SLC13A1: variants seen among roughly 807,000 people sequenced by gnomAD.
The protein encoded by SLC13A1 is Na(+)/sulfate cotransporter.
Under a neutral mutation model 70.0 loss-of-function variants are expected in SLC13A1, and 65 were observed. That is an observed-to-expected ratio of 0.93 (90% CI 0.76 to 1.14). The LOEUF (loss-of-function observed/expected upper bound fraction) is 1.14. Ranked by LOEUF, SLC13A1 falls within the 50% of genes most tolerant of loss-of-function variation. The pLI, the probability that SLC13A1 is intolerant of heterozygous loss-of-function variation, is 0.00. For synonymous variants in SLC13A1, 275 were observed against 250.5 expected (o/e 1.10, Z -0.92); for missense variants, 726 against 717.8 (o/e 1.01, Z -0.13).
chr7:123,176,664 A>G (rs900862614), intron 2 of SLC13A1, among the ~76,000 whole-genome samples: 4 of 152,200 alleles, frequency 2.6e-5, no homozygotes, highest in Non-Finnish European at 5.9e-5. Flanking sequence ...GTTTAGCTAA[A>G]TCCAATAGCC....
intron 1 of SLC13A1, 81 bp downstream of exon 1, chr7:123,199,767 C>T: frequency 2.0e-6 from 2 of 997,770 alleles, no homozygotes; most frequent in Non-Finnish European, 3.1e-6. Flanking sequence ...CTGAGCCAGG[C>T]AGTTAAACAG....
Position 123,179,621 on chromosome 7 carries a change from A to G in SLC13A1, c.228+1352T>C, listed in dbSNP as rs181297837. On this transcript the variant is annotated intron_variant, in intron 2 of 14. Transcript: ENST00000194130. ...GACGTATATATCCTTGGCAGCTCCTACAAAGCCAGCCCTTCCCAGGCACCC... is the reference window on the plus strand; with the variant it reads ...GACGTATATATCCTTGGCAGCTCCTGCAAAGCCAGCCCTTCCCAGGCACCC... Among the ~76,000 whole-genome samples, 12 of 152,212 alleles carry G rather than the reference A, an allele frequency of 7.9e-5. No homozygotes were observed. In the East Asian group the frequency reaches 2.1e-3, roughly 27 times the overall value.
intron 7 of SLC13A1, among the ~76,000 whole-genome samples, chr7:123,146,580 C>T (rs957226759): frequency 1.3e-5 from 2 of 152,088 alleles, no homozygotes; most frequent in African/African-American, 4.8e-5. Context: ...GATTTTTTAA[C>T]CCAAGTGTTC....
rs745767536 is a variant in SLC13A1, at chr7:123,128,922, G to T, written c.1056C>A (p.Val352=). The T allele has an allele frequency of 1.2e-6, 2 of 1,613,198 alleles. No individual in the cohort carries two copies. Among genetic ancestry groups the T allele is most frequent in the Non-Finnish European group, 1.7e-6 (2 of 1,179,448 alleles). Residue 352 remains valine (V), a synonymous_variant, in exon 10 of 15, where the codon GTC becomes GTA. Coordinates refer to ENST00000194130, the MANE Select transcript of SLC13A1 (RefSeq NM_022444.4). ...PIRYQEIVTL[V]LFIIMALLWF... ...ATAGCAGAGCCATTATAATGAAGAG[G>T]ACCAAGGTCACAATTTCTTGATACC...
At chr7:123,157,245 T>C (rs944739649) in intron 6 of SLC13A1, among the ~76,000 whole-genome samples, 1 of 152,114 alleles carries the variant, frequency 6.6e-6, no homozygotes, top group African/African-American at 2.4e-5. Flanking sequence ...TAATCAGTAA[T>C]AACCTGAAGA....
At chr7:123,124,101 ATATT>A (rs1793477753) in intron 11 of SLC13A1, among the ~76,000 whole-genome samples, 1 of 152,194 alleles carries the variant, frequency 6.6e-6, no homozygotes, top group Non-Finnish European at 1.5e-5. Context: ...AAAATTTAAC[ATATT>A]TATATATTAT....
intron 8 of SLC13A1, among the ~76,000 whole-genome samples, chr7:123,133,044 T>C (rs1793821107): frequency 6.6e-6 from 1 of 152,178 alleles, no homozygotes; most frequent in Admixed American, 6.5e-5. Context: ...GTCAACATTT[T>C]TTTTTTTACT....
intron 7 of SLC13A1, among the ~76,000 whole-genome samples, chr7:123,136,040 C>T (rs554781351): frequency 6.6e-6 from 1 of 152,310 alleles, no homozygotes; most frequent in South Asian, 2.1e-4. Flanking sequence ...TAACATTAGA[C>T]TTGGATTACA....
At chr7:123,164,424 GA>G (rs1222379031) in intron 6 of SLC13A1, among the ~76,000 whole-genome samples, 1 of 151,754 alleles carries the variant, frequency 6.6e-6, no homozygotes. Flanking sequence ...TATTAGTAAA[GA>G]GATTTTAATT....
rs1259923043 is a variant in SLC13A1 at position 123,115,372 on chromosome 7, G to C, written c.*146C>G. 1 of 703,134 alleles carries C rather than the reference G, an allele frequency of 1.4e-6. No homozygotes were observed. Among genetic ancestry groups the C allele is most frequent in the Non-Finnish European group, 2.3e-6 (1 of 435,366 alleles). 43.6% of individuals were successfully genotyped at this position (703,134 alleles called of 1,614,324 possible). The stretch of plus-strand genomic sequence containing the variant: ...CAAATATGGACTCTGAGTTATAACA[G>C]CAGGTTTCGGGTATTCACAGGAATT... On this transcript the variant is annotated 3_prime_UTR_variant, in exon 15 of 15. Coordinates refer to ENST00000194130, the MANE Select transcript of SLC13A1 (RefSeq NM_022444.4).
chr7:123,129,406 T>G lies in SLC13A1; in HGVS notation c.1008A>C (p.Glu336Asp). Residue 336 changes from glutamate (E) to aspartate (D), a missense_variant, in exon 9 of 15, where the codon GAA becomes GAC. Transcript: ENST00000194130. The part of the protein sequence containing the change: ...QKACAEVIKQ[E>D]YQKLGPIRYQ... ...ACCTTATTGGCCCAAGCTTTTGGTA[T>G]TCTTGCTTAATCACCTCAGCACAAG... 6.2e-7 allele frequency: 1 copy of G among 1,600,070 alleles called. No homozygotes were observed.
At chr7:123,121,329 A>G (rs915936740) in intron 12 of SLC13A1, among the ~76,000 whole-genome samples, 9 of 152,114 alleles carry the variant, frequency 5.9e-5, no homozygotes, top group African/African-American at 2.2e-4. Flanking sequence ...GAGGTCTGCC[A>G]GTATGCTATG....
chr7:123,119,262 T>G lies in SLC13A1; in HGVS notation c.1351-20A>C. On this transcript the variant is annotated intron_variant, in intron 12 of 14. Coordinates refer to ENST00000194130, the MANE Select transcript of SLC13A1 (RefSeq NM_022444.4). ...AGACTCCTAAAAAACAAATTTGCAA[T>G]ATTTGTTACTCATGAATAATTCTTT... 1.3e-6 allele frequency: 2 copies of G among 1,503,462 alleles called. No homozygotes were observed. Among genetic ancestry groups the G allele is most frequent in the Non-Finnish European group, 1.8e-6 (2 of 1,097,848 alleles). 93.1% of individuals were successfully genotyped at this position (1,503,462 alleles called of 1,614,324 possible).
intron 7 of SLC13A1, among the ~76,000 whole-genome samples, chr7:123,144,829 C>T (rs1794295591): frequency 6.6e-6 from 1 of 152,104 alleles, no homozygotes; most frequent in South Asian, 2.1e-4. Flanking sequence ...AAACAAATAA[C>T]TTTAATACCC....
chr7:123,172,819 G>C (rs989607179), intron 2 of SLC13A1, among the ~76,000 whole-genome samples: 1 of 151,924 alleles, frequency 6.6e-6, no homozygotes, highest in East Asian at 1.9e-4. Flanking sequence ...TTGTGTAATT[G>C]ATTAGGTTGA....
At position 123,125,556 on chromosome 7, in the gene SLC13A1, A is replaced by G; in HGVS notation, c.1240+13T>C. ...TCTGTTAAATTTATGCAGAATTATA[A>G]ATGATACTCAACCAATTTCTCCTGT... is the stretch of plus-strand genomic sequence containing the variant. On this transcript the variant is annotated intron_variant, in intron 11 of 14. Coordinates refer to ENST00000194130, the MANE Select transcript of SLC13A1 (RefSeq NM_022444.4). 1 of 1,561,414 alleles carries G rather than the reference A, an allele frequency of 6.4e-7. No homozygotes were observed. Among genetic ancestry groups the G allele is most frequent in the Non-Finnish European group, 8.8e-7 (1 of 1,142,486 alleles).
intron 1 of SLC13A1, among the ~76,000 whole-genome samples, chr7:123,188,843 C>T (rs779161367): frequency 1.3e-5 from 2 of 151,968 alleles, no homozygotes; most frequent in East Asian, 1.9e-4. Context: ...CGGCCGGGTG[C>T]GGTGGCTCAC....
chr7:123,128,708 G>T (rs1793650046), intron 10 of SLC13A1, 137 bp downstream of exon 10: 1 of 631,382 alleles, frequency 1.6e-6, no homozygotes, highest in Admixed American at 3.0e-5. Context: ...TTCCTGAAAA[G>T]ATTAGAACTT....
chr7:123,127,446 C>A (rs1049131393), intron 10 of SLC13A1, among the ~76,000 whole-genome samples: 3 of 152,082 alleles, frequency 2.0e-5, no homozygotes, highest in Admixed American at 6.6e-5. Flanking sequence ...GATAAAGACT[C>A]TCCCTGTCTA....
Sources: allele counts gnomAD v4.1 joint callset (sites outside exome capture counted in the v4.1 genomes callset), GRCh38; gene constraint gnomAD v4.1.1; transcripts MANE v1.5; gene names NCBI Gene and HGNC (gene_info 2026-07-23, HGNC 2026-07-21).